Variants in FARP1 observed in about 807,000 individuals in gnomAD.
The protein encoded by FARP1 is FERM, ARHGEF and pleckstrin domain-containing protein 1.
FARP1 carries 52 observed loss-of-function variants against 128.8 expected under a neutral mutation model. The observed-to-expected ratio is 0.40, with a 90% CI of 0.32 to 0.51. The LOEUF is 0.51. FARP1 is among the 20% of genes least tolerant of loss of function. FARP1 has a pLI of 0.45. For synonymous variants in FARP1, 580 were observed against 551.8 expected, an observed-to-expected ratio of 1.05 and a Z score of -0.72; for missense variants, 1,333 against 1,367.9, an observed-to-expected ratio of 0.97 and a Z score of 0.40.
At chr13:98,231,289 A>T (rs1357132886) in intron 2 of FARP1, among the ~76,000 whole-genome samples, 1 of 151,432 alleles carries the variant, frequency 6.6e-6, no homozygotes, top group Non-Finnish European at 1.5e-5. Flanking sequence ...GGAGCTAGGG[A>T]GAACAGAGGA....
chr13:98,378,966 C>T lies in FARP1; in HGVS notation c.496+1048C>T, dbSNP rs187245437. 3.9e-3 allele frequency among the ~76,000 whole-genome samples: 237 copies of T among 61,062 alleles called. 4 individuals are homozygous for T. Among genetic ancestry groups the T allele is most frequent in the African/African-American group, 0.013 (169 of 12,726 alleles). The allele number at this position is 61,062 out of a possible 152,430, so 40.1% of individuals were successfully genotyped here. A position where few individuals can be genotyped will look rare whatever the true frequency, so the allele number is the denominator to read the frequency against. ...ATATATAATATATATATAATATATACAATATATAATCTATATATAATATAT... is the reference window on the plus strand; with the variant it reads ...ATATATAATATATATATAATATATATAATATATAATCTATATATAATATAT... On this transcript the variant is annotated intron_variant, in intron 6 of 26. Transcript: ENST00000319562.
At chr13:98,344,433 GC>G in intron 3 of FARP1, among the ~76,000 whole-genome samples, 1 of 152,126 alleles carries the variant, frequency 6.6e-6, no homozygotes, top group Non-Finnish European at 1.5e-5. Context: ...GGACAGTAGT[GC>G]CCATCCCTGG....
At chr13:98,272,071 C>T (rs1027244579) in intron 2 of FARP1, among the ~76,000 whole-genome samples, 1 of 151,956 alleles carries the variant, frequency 6.6e-6, no homozygotes, top group Non-Finnish European at 1.5e-5. Flanking sequence ...GCTCTGTCTC[C>T]CAGGCTAGAG....
chr13:98,321,013 G>A (rs1455420528), intron 2 of FARP1, among the ~76,000 whole-genome samples: 3 of 152,156 alleles, frequency 2.0e-5, no homozygotes, highest in Non-Finnish European at 4.4e-5. Context: ...CTCACGAACT[G>A]GGAGTCTTTG....
chr13:98,231,520 C>T (rs1228497166), intron 2 of FARP1, among the ~76,000 whole-genome samples: 1 of 152,184 alleles, frequency 6.6e-6, no homozygotes, highest in Non-Finnish European at 1.5e-5. Flanking sequence ...TCACTGCAAC[C>T]TCCGCCTTCT....
chr13:98,196,308 G>A (rs1314007936), intron 1 of FARP1, among the ~76,000 whole-genome samples: 1 of 152,160 alleles, frequency 6.6e-6, no homozygotes, highest in Admixed American at 6.5e-5. Context: ...CAAGCACTCT[G>A]GCACCAGCCT....
intron 2 of FARP1, among the ~76,000 whole-genome samples, chr13:98,306,969 G>A (rs1405637469): frequency 6.6e-6 from 1 of 151,978 alleles, no homozygotes. Context: ...CACCCTCCCA[G>A]AAACCTATTA....
intron 2 of FARP1, among the ~76,000 whole-genome samples, chr13:98,236,404 C>A (rs911117407): frequency 1.3e-5 from 2 of 152,108 alleles, no homozygotes; most frequent in African/African-American, 4.8e-5. Context: ...TTAGCTTGCA[C>A]GGAAAATGCA....
chr13:98,288,026 T>C (rs1885275600), intron 2 of FARP1, among the ~76,000 whole-genome samples: 1 of 152,102 alleles, frequency 6.6e-6, no homozygotes, highest in Non-Finnish European at 1.5e-5. Flanking sequence ...GGTCTGGATC[T>C]CCTGACCTCG....
intron 24 of FARP1, among the ~76,000 whole-genome samples, chr13:98,442,778 G>A (rs1037274560): frequency 1.2e-4 from 18 of 152,256 alleles, no homozygotes; most frequent in Admixed American, 3.3e-4. Flanking sequence ...ACCTGTGGGC[G>A]TGTGTCTGAA....
chr13:98,268,743 C>G (rs991120345), intron 2 of FARP1, among the ~76,000 whole-genome samples: 8 of 150,910 alleles, frequency 5.3e-5, no homozygotes, highest in South Asian at 4.2e-4. Flanking sequence ...GCTGGGATTA[C>G]AGGTGTGAGC....
intron 2 of FARP1, among the ~76,000 whole-genome samples, chr13:98,221,889 T>C (rs1424664311): frequency 5.9e-5 from 9 of 152,198 alleles, no homozygotes; most frequent in Admixed American, 4.6e-4. Context: ...TGTGTTAGAA[T>C]GTAAATATAA....
At position 98,424,770 on chromosome 13, in the gene FARP1, C is replaced by G. The variant is rs539246163; in HGVS notation, c.1905+120C>G. On this transcript the variant is annotated intron_variant, in intron 17 of 26. Transcript: ENST00000319562. The stretch of plus-strand genomic sequence containing the variant: ...GCATCACCTGATTTGACTCTCTACA[C>G]CAAGCTTGTCCAACCCACCGCCGAG... 2.5e-5 allele frequency: 18 copies of G among 717,522 alleles called. 1 individual carries two copies. The highest frequency in any genetic ancestry group is 1.0e-4 in the African/African-American group (6 of 58,132). The allele number at this position is 717,522 out of a possible 1,614,324, so 44.4% of individuals were successfully genotyped here.
At chr13:98,277,718 C>T (rs1221734396) in intron 2 of FARP1, among the ~76,000 whole-genome samples, 4 of 152,102 alleles carry the variant, frequency 2.6e-5, no homozygotes, top group African/African-American at 4.8e-5. Context: ...ATGCATGCGG[C>T]GCCTGTTTCA....
intron 1 of FARP1, among the ~76,000 whole-genome samples, chr13:98,172,673 A>G (rs1877735823): frequency 1.3e-5 from 2 of 152,216 alleles, no homozygotes; most frequent in Admixed American, 1.3e-4. Context: ...TGGAGAGAGA[A>G]GGAAGTGAGC....
In FARP1 at chr13:98,296,949, C is replaced by G. The variant is rs1003396967; in HGVS notation, c.172-46813C>G. On this transcript the variant is annotated intron_variant, in intron 2 of 26. Transcript: ENST00000319562. ...ATCCTCCTACCTTGGCCTCCCAAAG[C>G]TGGGATTACACGGCCCTAAATGACT... 3.9e-5 allele frequency among the ~76,000 whole-genome samples: 6 copies of G among 152,300 alleles called. No individual in the cohort carries two copies. The South Asian group carries it at 1.0e-3, about 26-fold the overall frequency.
Position 98,385,932 on chromosome 13 carries a change from A to G in FARP1, c.759+118A>G, listed in dbSNP as rs1034378056. On this transcript the variant is annotated intron_variant, in intron 8 of 26. Coordinates refer to ENST00000319562, the MANE Select transcript of FARP1 (RefSeq NM_005766.4). Reference sequence around the variant, plus strand: ...CTCTGATGGTTATTTTTCGGCGAACAAAGAAAAATTAACCTCATCTCAGGC... The same window carrying G: ...CTCTGATGGTTATTTTTCGGCGAACGAAGAAAAATTAACCTCATCTCAGGC... 1.6e-5 allele frequency: 17 copies of G among 1,092,988 alleles called. No homozygotes were observed. In the Admixed American group the frequency reaches 4.4e-4, roughly 28 times the overall value. The allele number at this position is 1,092,988 out of a possible 1,614,324, so 67.7% of individuals were successfully genotyped here.
At chr13:98,390,467 T>G in intron 10 of FARP1, 1 of 425,532 alleles carries the variant, frequency 2.3e-6, no homozygotes, top group South Asian at 4.8e-5. Context: ...TAACAAATCA[T>G]TGTCTGCCAT....
chr13:98,371,288 C>T (rs1378520919), intron 5 of FARP1, among the ~76,000 whole-genome samples: 8 of 134,534 alleles, frequency 5.9e-5, no homozygotes, highest in African/African-American at 1.7e-4. Context: ...TTTTGTGAAT[C>T]GTCTCTAGAG....
Sources: gnomAD v4.1 joint callset for allele counts (sites outside exome capture counted in the v4.1 genomes callset) on GRCh38, gnomAD v4.1.1 for gene constraint, MANE v1.5 for transcripts, NCBI Gene and HGNC (gene_info 2026-07-23, HGNC 2026-07-21) for gene names.